The following SLAIN1 variants were observed in gnomAD, a reference collection of about 807,000 sequenced individuals.
The protein encoded by SLAIN1 is SLAIN motif-containing protein 1.
Under a neutral mutation model 55.4 loss-of-function variants are expected in SLAIN1, and 17 were observed. That is an observed-to-expected ratio of 0.31 (90% CI 0.21 to 0.46). SLAIN1 has a LOEUF of 0.46. Among genes scored for constraint, SLAIN1 ranks in the 20% least tolerant of loss-of-function variants. SLAIN1 has a pLI of 1.00. For synonymous variants in SLAIN1, 348 were observed against 337.4 expected, an observed-to-expected ratio of 1.03 and a Z score of -0.35; for missense variants, 682 against 785.1, an observed-to-expected ratio of 0.87 and a Z score of 1.57.
chr13:77,700,205 C>T (rs1218170775), intron 1 of SLAIN1, among the ~76,000 whole-genome samples: 1 of 152,110 alleles, frequency 6.6e-6, no homozygotes, highest in Non-Finnish European at 1.5e-5. Flanking sequence ...CATTTTGGTA[C>T]CTAGGCTTTC....
chr13:77,745,099 G>T (rs1016612150), intron 3 of SLAIN1, among the ~76,000 whole-genome samples: 1 of 152,006 alleles, frequency 6.6e-6, no homozygotes, highest in Non-Finnish European at 1.5e-5. Flanking sequence ...TCTCAAGAGG[G>T]TCTCGAAGCT....
At chr13:77,754,550 G>A (rs1427129782) in intron 5 of SLAIN1, among the ~76,000 whole-genome samples, 5 of 152,240 alleles carry the variant, frequency 3.3e-5, no homozygotes, top group South Asian at 2.1e-4. Context: ...CTAGCTCCAC[G>A]TGCTGTTCTT....
At chr13:77,736,470 T>A (rs1873125186) in intron 2 of SLAIN1, among the ~76,000 whole-genome samples, 1 of 152,018 alleles carries the variant, frequency 6.6e-6, no homozygotes, top group Non-Finnish European at 1.5e-5. Flanking sequence ...AATCTCCAAG[T>A]CTCCTTGATC....
In SLAIN1 at chr13:77,744,326, C is replaced by G. The variant is rs200117402; in HGVS notation, c.810C>G (p.Ile270Met). Residue 270 changes from isoleucine (I) to methionine (M), a missense_variant, in exon 3 of 7, where the codon ATC (isoleucine) becomes ATG (methionine). This residue lies in a region of SLAIN1 where 401 missense variants were observed against 417.3 expected (regional missense o/e 0.96). Transcript: ENST00000418532. Reference sequence around the variant, plus strand: ...CCCCACTCAGTCCCCAGTCATCTATCGACAGTGAGCTGAGTACTTCAGAAT... The same window carrying G: ...CCCCACTCAGTCCCCAGTCATCTATGGACAGTGAGCTGAGTACTTCAGAAT... ...RGSPLSPQSS[I>M]DSELSTSELE... is the part of the protein sequence containing the mutation. The G allele has an allele frequency of 6.2e-7, 1 of 1,612,818 alleles. No homozygotes were observed. The highest frequency in any genetic ancestry group is 8.5e-7 in the Non-Finnish European group (1 of 1,179,226).
chr13:77,700,606 G>T (rs938187250), intron 1 of SLAIN1, among the ~76,000 whole-genome samples: 2 of 152,252 alleles, frequency 1.3e-5, no homozygotes, highest in East Asian at 3.9e-4. Context: ...TATCAACAGG[G>T]TTTAATTTTT....
At chr13:77,759,873 C>T (rs1874881460) in intron 5 of SLAIN1, among the ~76,000 whole-genome samples, 1 of 151,852 alleles carries the variant, frequency 6.6e-6, no homozygotes, top group Non-Finnish European at 1.5e-5. Context: ...TAATTAAACA[C>T]ATTTTTTAAG....
intron 1 of SLAIN1, among the ~76,000 whole-genome samples, chr13:77,716,570 TCAGGTCCTACA>T (rs2091210025): frequency 6.6e-6 from 1 of 152,142 alleles, no homozygotes; most frequent in Non-Finnish European, 1.5e-5. Context: ...TCTTCAGTGT[TCAGGTCCTACA>T]CATCTTTTGT....
chr13:77,746,631 T>C lies in SLAIN1; in HGVS notation c.1034T>C (p.Leu345Pro), dbSNP rs778006036. The C allele has an allele frequency of 1.2e-6, 2 of 1,613,794 alleles. No homozygotes were observed. The highest frequency in any genetic ancestry group is 1.3e-5 in the African/African-American group (1 of 75,008). ...GATCAAGAATATGACCAATACAGTC[T>C]GGAGGATGAAGAGGAATTTGATCAT... ...CSDQEYDQYS[L>P]EDEEEFDHLP... The change falls in exon 4 of 7, where the codon CTG becomes CCG. Residue 345 changes from leucine to proline, a missense_variant. This residue lies in a region of SLAIN1 where 37 missense variants were observed against 72.6 expected (regional missense o/e 0.51). Transcript: ENST00000418532.
intron 5 of SLAIN1, among the ~76,000 whole-genome samples, chr13:77,757,795 G>A (rs1185897679): frequency 1.3e-5 from 2 of 152,002 alleles, no homozygotes; most frequent in East Asian, 3.9e-4. Flanking sequence ...GTATTCCTTG[G>A]TGTATATATA....
intron 5 of SLAIN1, among the ~76,000 whole-genome samples, chr13:77,754,256 T>A (rs1018661214): frequency 6.6e-6 from 1 of 152,218 alleles, no homozygotes; most frequent in African/African-American, 2.4e-5. Context: ...AGGTTGTATC[T>A]CCCTAACATG....
At chr13:77,701,220 T>C (rs565876281) in intron 1 of SLAIN1, among the ~76,000 whole-genome samples, 1 of 143,348 alleles carries the variant, frequency 7.0e-6, no homozygotes, top group East Asian at 2.0e-4. Context: ...TGCTTATTTA[T>C]TTAGAATAGC....
Position 77,763,884 on chromosome 13 carries a change from A to C in SLAIN1, c.*664A>C, listed in dbSNP as rs2154411242. 1 of 152,788 alleles carries C rather than the reference A, an allele frequency of 6.5e-6. No individual in the cohort carries two copies. Among genetic ancestry groups the C allele is most frequent in the South Asian group, 2.1e-4 (1 of 4,832 alleles). 9.5% of individuals were successfully genotyped at this position (152,788 alleles called of 1,614,324 possible). ...TTTGAAGCATTGCAAGGAGATAACC[A>C]GACAGCAGAATTAAATGGTCCTGTC... On this transcript the variant is annotated 3_prime_UTR_variant, in exon 7 of 7. Transcript: ENST00000418532.
intron 2 of SLAIN1, among the ~76,000 whole-genome samples, chr13:77,723,898 G>T (rs2091284459): frequency 1.3e-5 from 2 of 148,510 alleles, no homozygotes. Context: ...TTCTATTCTT[G>T]ATTTTGTTGC....
chr13:77,754,146 A>G (rs898651481), intron 5 of SLAIN1, among the ~76,000 whole-genome samples: 56 of 152,294 alleles, frequency 3.7e-4, no homozygotes, highest in African/African-American at 1.2e-3. Context: ...GAGGCTGAGC[A>G]TGTTCTGAGT....
Position 77,698,612 on chromosome 13 carries a change from G to T in SLAIN1, c.626+73G>T, listed in dbSNP as rs896219090. On this transcript the variant is annotated intron_variant, in intron 1 of 6. Transcript: ENST00000418532. This position sits in a 1 kb window ranked among gnomAD's most constrained non-coding sequence, Gnocchi z 4.1. Reference sequence around the variant, plus strand: ...TCGGGCACCGGGGAGCGGGGGCGGGGGGCGGACGGGGGTCCCCTCGCGGCA... The same window carrying T: ...TCGGGCACCGGGGAGCGGGGGCGGGTGGCGGACGGGGGTCCCCTCGCGGCA... 7 of 1,328,834 alleles carry T rather than the reference G, an allele frequency of 5.3e-6. No individual in the cohort carries two copies. In the East Asian group the frequency reaches 1.5e-4, roughly 28 times the overall value. 82.3% of individuals were successfully genotyped at this position (1,328,834 alleles called of 1,614,324 possible).
At chr13:77,740,504 A>G (rs1270575290) in intron 2 of SLAIN1, among the ~76,000 whole-genome samples, 1 of 149,566 alleles carries the variant, frequency 6.7e-6, no homozygotes, top group Admixed American at 6.7e-5. Flanking sequence ...TGCATAGTCT[A>G]TGCCACTTCC....
chr13:77,719,151 G>A (rs1235274846), intron 1 of SLAIN1, among the ~76,000 whole-genome samples: 3 of 151,504 alleles, frequency 2.0e-5, no homozygotes, highest in Admixed American at 2.0e-4. Context: ...ATTAGCCCAA[G>A]TTTACAAAAG....
intron 2 of SLAIN1, among the ~76,000 whole-genome samples, chr13:77,738,423 C>G (rs1873247393): frequency 6.6e-6 from 1 of 151,952 alleles, no homozygotes; most frequent in African/African-American, 2.4e-5. Flanking sequence ...AAAACCATGA[C>G]TTATTTAGAA....
At chr13:77,749,749 A>G (rs1424914777) in intron 4 of SLAIN1, among the ~76,000 whole-genome samples, 1 of 152,196 alleles carries the variant, frequency 6.6e-6, no homozygotes, top group Non-Finnish European at 1.5e-5. Flanking sequence ...TTGACAGGAA[A>G]TGTACCTCAT....
Sources: allele counts gnomAD v4.1 joint callset (sites outside exome capture counted in the v4.1 genomes callset), GRCh38; gene constraint gnomAD v4.1.1; regional missense constraint gnomAD v4.1.1; non-coding constraint Gnocchi (gnomAD v3.1); transcripts MANE v1.5; gene names NCBI Gene and HGNC (gene_info 2026-07-23, HGNC 2026-07-21).